The following SUPT3H variants were observed in gnomAD, a reference collection of about 807,000 sequenced individuals.
SUPT3H encodes the protein transcription initiation protein SPT3 homolog.
In SUPT3H, 44 loss-of-function variants were observed where a neutral mutation model predicts 44.3. The observed-to-expected ratio is 0.99, with a 90% CI of 0.78 to 1.28. The LOEUF (loss-of-function observed/expected upper bound fraction) is 1.28, where lower values mean the gene tolerates loss of function less well. Among genes scored for constraint, SUPT3H ranks in the 50% most tolerant of loss-of-function variants. SUPT3H has a pLI of 0.00. For synonymous variants in SUPT3H, 124 were observed against 125.6 expected (o/e 0.99, Z 0.09); for missense variants, 380 against 387.1 (o/e 0.98, Z 0.15).
At chr6:45,323,727 G>A (rs980470102) in intron 2 of SUPT3H, among the ~76,000 whole-genome samples, 8 of 151,730 alleles carry the variant, frequency 5.3e-5, no homozygotes, top group African/African-American at 1.7e-4. Context: ...TGAAAGAGAG[G>A]AGATTTTCCT....
intron 10 of SUPT3H, among the ~76,000 whole-genome samples, chr6:44,905,868 T>C (rs1156583795): frequency 6.6e-6 from 1 of 152,186 alleles, no homozygotes; most frequent in Non-Finnish European, 1.5e-5. Flanking sequence ...GTGCATGTCC[T>C]TTGTAGGGAC....
At chr6:45,077,208 T>G (rs959922638) in intron 3 of SUPT3H, among the ~76,000 whole-genome samples, 1 of 152,152 alleles carries the variant, frequency 6.6e-6, no homozygotes, top group African/African-American at 2.4e-5. Flanking sequence ...AAACATTACA[T>G]CTTCATTAGT....
chr6:45,303,976 CAAAA>C (rs1241434882), intron 2 of SUPT3H, among the ~76,000 whole-genome samples: 1 of 92,510 alleles, frequency 1.1e-5, no homozygotes, highest in African/African-American at 4.0e-5. Flanking sequence ...GACTCTGTCT[CAAAA>C]AAAAAAAAAA....
intron 2 of SUPT3H, among the ~76,000 whole-genome samples, chr6:45,167,448 G>C (rs1007340745): frequency 1.3e-5 from 2 of 152,156 alleles, no homozygotes; most frequent in African/African-American, 4.8e-5. Context: ...TTAAGATGAA[G>C]TCATATTAAG....
At chr6:44,848,171 T>C (rs1424236565) in intron 10 of SUPT3H, among the ~76,000 whole-genome samples, 2 of 151,792 alleles carry the variant, frequency 1.3e-5, no homozygotes, top group Non-Finnish European at 2.9e-5. Context: ...GGTTTCACCA[T>C]GTTGGCCAGG....
chr6:45,230,258 T>C (rs1767707988), intron 2 of SUPT3H, among the ~76,000 whole-genome samples: 1 of 152,192 alleles, frequency 6.6e-6, no homozygotes, highest in Non-Finnish European at 1.5e-5. Flanking sequence ...GTCTAAAGTC[T>C]AGTTTAAGTC....
At chr6:45,017,918 T>A (rs1289452080) in intron 4 of SUPT3H, among the ~76,000 whole-genome samples, 4 of 148,464 alleles carry the variant, frequency 2.7e-5, no homozygotes, top group Non-Finnish European at 5.9e-5. Context: ...TGGCATTGAA[T>A]CTGTAAATTA....
At chr6:44,911,808 T>G (rs581216) in intron 10 of SUPT3H, among the ~76,000 whole-genome samples, 8,038 of 152,266 alleles carry the variant, frequency 0.053, 291 homozygotes, top group South Asian at 0.13. Context: ...CTGTGTTAAT[T>G]TGTGAGCATA....
chr6:45,036,605 G>T (rs1304161987), intron 3 of SUPT3H, among the ~76,000 whole-genome samples: 2 of 151,850 alleles, frequency 1.3e-5, no homozygotes, highest in Non-Finnish European at 2.9e-5. Context: ...CTAAACACCA[G>T]AAAATAATGA....
intron 2 of SUPT3H, among the ~76,000 whole-genome samples, chr6:45,298,187 G>A (rs1781587763): frequency 6.6e-6 from 1 of 152,148 alleles, no homozygotes; most frequent in African/African-American, 2.4e-5. Flanking sequence ...AGTAGAGACA[G>A]GAAGATTATT....
At chr6:44,811,936 G>C (rs1051936922) in intron 11 of SUPT3H, among the ~76,000 whole-genome samples, 1 of 151,212 alleles carries the variant, frequency 6.6e-6, no homozygotes, top group Non-Finnish European at 1.5e-5. Context: ...AACTGTATAA[G>C]GTCTGATTCC....
chr6:44,895,364 C>A (rs1261590132), intron 10 of SUPT3H, among the ~76,000 whole-genome samples: 1 of 150,584 alleles, frequency 6.6e-6, no homozygotes, highest in Non-Finnish European at 1.5e-5. Flanking sequence ...ACTGGGATTA[C>A]AGGCACACAG....
intron 2 of SUPT3H, among the ~76,000 whole-genome samples, chr6:45,355,138 CTT>C (rs1205511889): frequency 1.7e-4 from 23 of 131,570 alleles, no homozygotes; most frequent in Admixed American, 3.1e-4. Context: ...AAAGACCTGG[CTT>C]TTTTTTTTTT....
chr6:44,879,939 G>T (rs1178169392), intron 10 of SUPT3H, among the ~76,000 whole-genome samples: 3 of 152,122 alleles, frequency 2.0e-5, no homozygotes, highest in Admixed American at 2.0e-4. Flanking sequence ...CAAAATCAAA[G>T]ACCAGAGGTA....
chr6:44,849,638 A>G (rs1772544618), intron 10 of SUPT3H, among the ~76,000 whole-genome samples: 1 of 152,206 alleles, frequency 6.6e-6, no homozygotes, highest in Admixed American at 6.5e-5. Flanking sequence ...CAGGAAGACA[A>G]GGACAGACTG....
chr6:45,334,286 C>T (rs1340117345), intron 2 of SUPT3H, among the ~76,000 whole-genome samples: 2 of 150,738 alleles, frequency 1.3e-5, no homozygotes, highest in African/African-American at 4.8e-5. Flanking sequence ...TCATTATATA[C>T]CATCAACTAT....
intron 6 of SUPT3H, among the ~76,000 whole-genome samples, chr6:44,967,554 C>T (rs958388500): frequency 2.0e-5 from 3 of 152,154 alleles, no homozygotes; most frequent in Admixed American, 6.5e-5. Context: ...TCATCATTTG[C>T]CCTGTCTATA....
At chr6:45,052,488 C>CAA (rs1430633434) in intron 3 of SUPT3H, among the ~76,000 whole-genome samples, 1 of 152,028 alleles carries the variant, frequency 6.6e-6, no homozygotes, top group Non-Finnish European at 1.5e-5. Context: ...AGTAGCTTTG[C>CAA]AAAAAATCCA....
At chr6:45,186,408 C>G (rs1814221966) in intron 2 of SUPT3H, among the ~76,000 whole-genome samples, 1 of 152,014 alleles carries the variant, frequency 6.6e-6, no homozygotes, top group Non-Finnish European at 1.5e-5. Context: ...CTTCAAAAAT[C>G]TCTCTCAAAA....
Sources: allele counts gnomAD v4.1 joint callset (sites outside exome capture counted in the v4.1 genomes callset), GRCh38; gene constraint gnomAD v4.1.1; transcripts MANE v1.5; gene names NCBI Gene and HGNC (gene_info 2026-07-23, HGNC 2026-07-21).